Variants in DLGAP2 observed in about 807,000 individuals in gnomAD.
DLGAP2 encodes the protein disks large-associated protein 2.
In DLGAP2, 26 loss-of-function variants were observed where a neutral mutation model predicts 100.3. The ratio of observed to expected loss-of-function variants is 0.26; its 90% CI spans 0.19 to 0.36. The LOEUF (loss-of-function observed/expected upper bound fraction) is 0.36. Ranked by LOEUF, DLGAP2 falls within the 10% of genes least tolerant of loss-of-function variation. DLGAP2 has a pLI of 1.00. For missense variants in DLGAP2, 1,858 were observed against 1,453.2 expected, an observed-to-expected ratio of 1.28 and a Z score of -4.53; for synonymous variants, 886 against 630.1, an observed-to-expected ratio of 1.41 and a Z score of -6.08.
intron 4 of DLGAP2, among the ~76,000 whole-genome samples, chr8:1,528,085 C>T (rs920868864): frequency 6.7e-4 from 102 of 152,368 alleles, no homozygotes; most frequent in African/African-American, 2.4e-3. Context: ...AACGTGGCTT[C>T]CAGCCACTGC....
chr8:1,258,750 C>T, intron 2 of DLGAP2, 101 bp from the exon 3 acceptor site: 1 of 1,050,850 alleles, frequency 9.5e-7, no homozygotes, highest in Non-Finnish European at 1.2e-6. Context: ...CAAGCGGCGT[C>T]ATCTTAAAGT....
In DLGAP2 at chr8:1,701,899, C is replaced by T. The variant is rs182900498; in HGVS notation, c.*493C>T. The T allele has an allele frequency of 1.3e-5, 2 of 153,708 alleles. No homozygotes were observed. The highest frequency in any genetic ancestry group is 4.8e-5 in the African/African-American group (2 of 41,606). The allele number at this position is 153,708 out of a possible 1,614,324, so 9.5% of individuals were successfully genotyped here. On this transcript the variant is annotated 3_prime_UTR_variant, in exon 15 of 15. Coordinates refer to ENST00000637795, the MANE Select transcript of DLGAP2 (RefSeq NM_001346810.2). ...GAAAGAAAGGCCCATTCCCCTCGCA[C>T]AGCCGAGCTTTTACTCCCTGAGCAC...
chr8:1,702,600 G>C lies in DLGAP2; in HGVS notation c.*1194G>C, dbSNP rs11783026. 5,983 of 149,558 alleles carry C rather than the reference G, an allele frequency of 0.04. 178 individuals carry two copies. The highest frequency in any genetic ancestry group is 0.062 in the Non-Finnish European group (4,197 of 67,434). 9.3% of individuals were successfully genotyped at this position (149,558 alleles called of 1,614,324 possible). A position where few individuals can be genotyped will look rare whatever the true frequency, so the allele number is the denominator to read the frequency against. ...AAGGGAAAAAGAGGTCACATATTGTGATTTCCAGCTGTAGCATTCAAAAAA... is the reference window on the plus strand; with the variant it reads ...AAGGGAAAAAGAGGTCACATATTGTCATTTCCAGCTGTAGCATTCAAAAAA... On this transcript the variant is annotated 3_prime_UTR_variant, in exon 15 of 15. Coordinates refer to ENST00000637795, the MANE Select transcript of DLGAP2 (RefSeq NM_001346810.2).
chr8:1,084,403 T>G (rs555817898), intron 2 of DLGAP2, among the ~76,000 whole-genome samples: 1 of 152,298 alleles, frequency 6.6e-6, no homozygotes, highest in South Asian at 2.1e-4. Context: ...CATTAGAAAT[T>G]TACTCTTGGC....
chr8:1,365,759 C>T (rs368383910), intron 3 of DLGAP2, among the ~76,000 whole-genome samples: 14 of 152,312 alleles, frequency 9.2e-5, no homozygotes, highest in South Asian at 2.1e-4. Context: ...GAGGCCCACG[C>T]GGAGGGCGAG....
intron 2 of DLGAP2, among the ~76,000 whole-genome samples, chr8:1,234,836 G>C (rs1798609039): frequency 6.6e-6 from 1 of 152,178 alleles, no homozygotes; most frequent in Non-Finnish European, 1.5e-5. Context: ...GTCACGTCAG[G>C]AGTGATACCC....
At chr8:987,390 C>G (rs1010583924) in intron 2 of DLGAP2, among the ~76,000 whole-genome samples, 1 of 152,102 alleles carries the variant, frequency 6.6e-6, no homozygotes, top group Non-Finnish European at 1.5e-5. Context: ...CTGTAGAAAT[C>G]GTGTGGAAGG....
intron 3 of DLGAP2, among the ~76,000 whole-genome samples, chr8:1,463,046 C>A (rs1267645770): frequency 6.6e-6 from 1 of 152,118 alleles, no homozygotes; most frequent in African/African-American, 2.4e-5. Context: ...GTCAGGAGTT[C>A]AAGACCAGCT....
chr8:1,593,066 C>T (rs963621172), intron 6 of DLGAP2, among the ~76,000 whole-genome samples: 6 of 152,118 alleles, frequency 3.9e-5, no homozygotes, highest in African/African-American at 1.2e-4. Flanking sequence ...GGAGTGATTT[C>T]AACAAGATAA....
At chr8:1,607,342 C>T (rs1215599688) in intron 6 of DLGAP2, among the ~76,000 whole-genome samples, 1 of 152,008 alleles carries the variant, frequency 6.6e-6, no homozygotes, top group Non-Finnish European at 1.5e-5. Flanking sequence ...ATACTGACAC[C>T]CATATCCTGG....
intron 2 of DLGAP2, among the ~76,000 whole-genome samples, chr8:1,135,576 T>C (rs1369103719): frequency 6.8e-6 from 1 of 146,404 alleles, no homozygotes; most frequent in Non-Finnish European, 1.5e-5. Context: ...ATGCGGTCTT[T>C]CAGGAGACGG....
chr8:1,080,776 T>A (rs1422399217), intron 2 of DLGAP2, among the ~76,000 whole-genome samples: 1 of 152,184 alleles, frequency 6.6e-6, no homozygotes, highest in Non-Finnish European at 1.5e-5. Context: ...TATATTTAAA[T>A]CCTTAAGTGT....
chr8:1,458,015 A>ATATATATATATATATAT (rs1452643912), intron 3 of DLGAP2, among the ~76,000 whole-genome samples: 2 of 82,242 alleles, frequency 2.4e-5, no homozygotes, highest in Non-Finnish European at 2.6e-5. Flanking sequence ...TATATATATA[A>ATATATATATATATATAT]TTTTTTATAT....
At chr8:1,211,960 A>G (rs940871878) in intron 2 of DLGAP2, among the ~76,000 whole-genome samples, 1 of 152,248 alleles carries the variant, frequency 6.6e-6, no homozygotes, top group Admixed American at 6.5e-5. Context: ...CACCATTGTC[A>G]GGATGCAGGT....
intron 2 of DLGAP2, among the ~76,000 whole-genome samples, chr8:1,200,573 C>G (rs557965673): frequency 6.6e-6 from 1 of 152,190 alleles, no homozygotes; most frequent in Non-Finnish European, 1.5e-5. Context: ...AAAGAGCCTC[C>G]CGCCTGCACG....
At chr8:1,318,245 C>T (rs1255968721) in intron 3 of DLGAP2, among the ~76,000 whole-genome samples, 6 of 152,178 alleles carry the variant, frequency 3.9e-5, no homozygotes, top group South Asian at 2.1e-4. Context: ...CTGTTTCAAA[C>T]TTTGATTTCT....
intron 1 of DLGAP2, among the ~76,000 whole-genome samples, chr8:867,574 G>T (rs146757047): frequency 3.5e-4 from 54 of 152,306 alleles, no homozygotes; most frequent in African/African-American, 1.3e-3. Context: ...GTGGTAGCAC[G>T]CTCTAGGGAC....
At chr8:866,769 A>T (rs770659628) in intron 1 of DLGAP2, among the ~76,000 whole-genome samples, 5 of 152,062 alleles carry the variant, frequency 3.3e-5, no homozygotes, top group African/African-American at 4.8e-5. Context: ...TCTAGAATCG[A>T]CCGTTTCTCC....
chr8:898,876 G>T (rs1413707852), intron 1 of DLGAP2, among the ~76,000 whole-genome samples: 1 of 152,188 alleles, frequency 6.6e-6, no homozygotes, highest in Non-Finnish European at 1.5e-5. Flanking sequence ...TTCACTGGAG[G>T]GTGAGCCCTG....
Sources: gnomAD v4.1 joint callset for allele counts (sites outside exome capture counted in the v4.1 genomes callset) on GRCh38, gnomAD v4.1.1 for gene constraint, MANE v1.5 for transcripts, NCBI Gene and HGNC (gene_info 2026-07-23, HGNC 2026-07-21) for gene names.